The following RAD51AP2 variants were observed in gnomAD, a reference collection of about 807,000 sequenced individuals.
RAD51AP2 encodes RAD51 associated protein 2.
Under a neutral mutation model 85.5 loss-of-function variants are expected in RAD51AP2, and 67 were observed. That is an observed-to-expected ratio of 0.78 (90% confidence interval 0.64 to 0.96). The LOEUF is 0.96. RAD51AP2 is among the 40% of genes least tolerant of loss of function. The pLI is 0.00. For synonymous variants in RAD51AP2, 474 were observed against 446.5 expected, an observed-to-expected ratio of 1.06 and a Z score of -0.78; for missense variants, 1,307 against 1,332.4, an observed-to-expected ratio of 0.98 and a Z score of 0.30.
chr2:17,518,506 C>A, upstream of RAD51AP2: 1 of 1,478,282 alleles, frequency 6.8e-7, no homozygotes, highest in Non-Finnish European at 9.1e-7. Context: ...GCCCCTGACC[C>A]GCCCCTCAAG....
At chr2:17,533,148 C>T in the RAD51AP2 span, among the ~76,000 whole-genome samples, 3 of 152,200 alleles carry the variant, frequency 2.0e-5, no homozygotes, top group African/African-American at 7.2e-5. Flanking sequence ...TCTCTGGCTA[C>T]AGCCATTACC....
At position 17,518,440 on chromosome 2, in the gene RAD51AP2, C is replaced by G. The variant is rs763455237; in HGVS notation, c.-25G>C. Reference sequence around the variant, plus strand: ...TGACAGCGAATGGAAAGGATCTGTCCGAGTCCCGGCGGGGCTCCAATCCCT... The same window carrying G: ...TGACAGCGAATGGAAAGGATCTGTCGGAGTCCCGGCGGGGCTCCAATCCCT... On this transcript the variant is annotated 5_prime_UTR_variant, in exon 1 of 3. Transcript: ENST00000399080. 6.3e-6 allele frequency: 10 copies of G among 1,591,940 alleles called. No individual in the cohort carries two copies. In the South Asian group the frequency reaches 1.0e-4, roughly 16 times the overall value.
chr2:17,529,518 T>C, the RAD51AP2 span, among the ~76,000 whole-genome samples: 1 of 151,972 alleles, frequency 6.6e-6, no homozygotes, highest in Non-Finnish European at 1.5e-5. Context: ...ATCAACCAAA[T>C]AATGTTGAGC....
At chr2:17,522,182 T>G (rs1169264150), upstream of RAD51AP2, among the ~76,000 whole-genome samples, 1 of 152,078 alleles carries the variant, frequency 6.6e-6, no homozygotes, top group East Asian at 1.9e-4. Context: ...AAACTTTAAT[T>G]TGACATAGAA....
chr2:17,514,172 A>C, intron 1 of RAD51AP2, 80 bp from the exon 2 acceptor site: 1 of 843,836 alleles, frequency 1.2e-6, no homozygotes, highest in South Asian at 1.6e-5. Flanking sequence ...TTATATTTTC[A>C]GAAATATTTC....
intron 1 of RAD51AP2, 97 bp downstream of exon 1, chr2:17,515,072 T>G: frequency 1.0e-6 from 1 of 981,590 alleles, no homozygotes; most frequent in Non-Finnish European, 1.5e-6. Context: ...TATCTCTACC[T>G]TCCTTCTTTG....
rs374340001 is a variant in RAD51AP2, at chr2:17,517,728, A to G, written c.688T>C (p.Ser230Pro). 24 of 1,613,486 alleles carry G rather than the reference A, an allele frequency of 1.5e-5. No homozygotes were observed. The highest frequency in any genetic ancestry group is 2.0e-5 in the Non-Finnish European group (24 of 1,179,896). ...TGAGATTTTGATATTTTTAGTACAG[A>G]TGATGAAATGTTATTTTCTCTTTTA... is the stretch of plus-strand genomic sequence containing the variant. Reference protein sequence around the residue: ...SNKRENNISSSVLKISKSQNQ... With the variant: ...SNKRENNISSPVLKISKSQNQ... The change falls in exon 1 of 3, where the codon TCT becomes CCT. Residue 230 changes from serine (S) to proline (P), a missense_variant. Physicochemically the swap from Ser to Pro is moderately conservative, Grantham distance 74. Transcript: ENST00000399080.
Position 17,518,259 on chromosome 2 carries a change from G to C in RAD51AP2, c.157C>G (p.Leu53Val). The change falls in exon 1 of 3, where the codon CTG becomes GTG. Residue 53 changes from leucine (L) to valine (V), a missense_variant. Physicochemically the swap from Leu to Val is conservative, Grantham distance 32 (BLOSUM62 1). Coordinates refer to ENST00000399080, the MANE Select transcript of RAD51AP2 (RefSeq NM_001099218.3). ...GVFKAGWRLP[L>V]VPRLSEAEKV... The stretch of plus-strand genomic sequence containing the variant: ...TCCGCCTCAGACAAGCGAGGCACCA[G>C]AGGCAGTCGCCAGCCCGCCTTAAAG... The C allele has an allele frequency of 6.2e-7, 1 of 1,614,202 alleles. No homozygotes were observed. The highest frequency in any genetic ancestry group is 8.5e-7 in the Non-Finnish European group (1 of 1,180,036).
the RAD51AP2 span, among the ~76,000 whole-genome samples, chr2:17,523,995 G>C: frequency 0.016 from 2,425 of 152,024 alleles, 48 homozygotes; most frequent in East Asian, 0.1. Flanking sequence ...ATCTGTGCCT[G>C]ATGCTGAATG....
rs1477479715 is a variant in RAD51AP2, at chr2:17,516,644, A to G, written c.1772T>C (p.Phe591Ser). The change falls in exon 1 of 3, where the codon TTT becomes TCT. Residue 591 changes from phenylalanine to serine, a missense_variant. Physicochemically the swap from Phe to Ser is radical, Grantham distance 155. Coordinates refer to ENST00000399080, the MANE Select transcript of RAD51AP2 (RefSeq NM_001099218.3). ...KTNIAFLLNN[F>S]DSLTRIENDF... Reference sequence around the variant, plus strand: ...ATTTTCAATTCTTGTTAAAGAGTCAAAGTTATTGAGCAAAAAAGCTATGTT... The same window carrying G: ...ATTTTCAATTCTTGTTAAAGAGTCAGAGTTATTGAGCAAAAAAGCTATGTT... The G allele has an allele frequency of 6.4e-7, 1 of 1,573,416 alleles. No individual in the cohort carries two copies.
In RAD51AP2 at chr2:17,517,873, T is replaced by G; in HGVS notation, c.543A>C (p.Gln181His). 6.2e-7 allele frequency: 1 copy of G among 1,614,190 alleles called. No homozygotes were observed. The highest frequency in any genetic ancestry group is 8.5e-7 in the Non-Finnish European group (1 of 1,179,992). ...RNENRKQQFV[Q>H]GRDNVHKENP... ...TTTCTTTGTGAACATTGTCTCTTCCTTGGACAAACTGTTGTTTTCGATTCT... is the reference window on the plus strand; with the variant it reads ...TTTCTTTGTGAACATTGTCTCTTCCGTGGACAAACTGTTGTTTTCGATTCT... Residue 181 changes from glutamine (Q) to histidine (H), a missense_variant, in exon 1 of 3, where the codon CAA (glutamine) becomes CAC (histidine). Gln to His is a conservative substitution (Grantham distance 24). Coordinates refer to ENST00000399080, the MANE Select transcript of RAD51AP2 (RefSeq NM_001099218.3).
At chr2:17,514,371 C>G (rs1213812317) in intron 1 of RAD51AP2, among the ~76,000 whole-genome samples, 1 of 152,128 alleles carries the variant, frequency 6.6e-6, no homozygotes, top group African/African-American at 2.4e-5. Context: ...TGTCAAAGTT[C>G]AAGGTGAAGC....
At position 17,517,885 on chromosome 2, in the gene RAD51AP2, T is replaced by G; in HGVS notation, c.531A>C (p.Gln177His). 6.2e-7 allele frequency: 1 copy of G among 1,614,176 alleles called. No homozygotes were observed. Among genetic ancestry groups the G allele is most frequent in the Non-Finnish European group, 8.5e-7 (1 of 1,180,010 alleles). ...IHGIRNENRK[Q>H]QFVQGRDNVH... ...CATTGTCTCTTCCTTGGACAAACTG[T>G]TGTTTTCGATTCTCATTTCTAATTC... is the stretch of plus-strand genomic sequence containing the variant. The change falls in exon 1 of 3, where the codon CAA becomes CAC. Residue 177 changes from glutamine to histidine, a missense_variant. By Grantham distance (24) the Gln-to-His change is conservative (BLOSUM62 0). Transcript: ENST00000399080.
At chr2:17,515,073 TCCTTC>T in intron 1 of RAD51AP2, 91 bp downstream of exon 1, 1 of 981,956 alleles carries the variant, frequency 1.0e-6, no homozygotes, top group Non-Finnish European at 1.5e-6. Context: ...ATCTCTACCT[TCCTTC>T]TTTGTTGTCA....
At chr2:17,520,536 A>G (rs543704870), upstream of RAD51AP2, among the ~76,000 whole-genome samples, 1 of 152,258 alleles carries the variant, frequency 6.6e-6, no homozygotes, top group South Asian at 2.1e-4. Flanking sequence ...TAAAGACAGC[A>G]TCTATCTGAT....
At chr2:17,519,071 C>T (rs1476147785), upstream of RAD51AP2, among the ~76,000 whole-genome samples, 1 of 151,840 alleles carries the variant, frequency 6.6e-6, no homozygotes, top group East Asian at 1.9e-4. Context: ...AATTATTATC[C>T]GGATAATTAT....
At chr2:17,524,240 T>C in the RAD51AP2 span, among the ~76,000 whole-genome samples, 1 of 151,990 alleles carries the variant, frequency 6.6e-6, no homozygotes, top group Admixed American at 6.6e-5. Context: ...TGTTGTTTTG[T>C]TGTTCAGTTC....
chr2:17,519,741 G>T (rs1000630777), upstream of RAD51AP2, among the ~76,000 whole-genome samples: 1 of 152,292 alleles, frequency 6.6e-6, no homozygotes, highest in African/African-American at 2.4e-5. Flanking sequence ...CAGTGGTTCA[G>T]ATTCCACATC....
At position 17,517,257 on chromosome 2, in the gene RAD51AP2, TAAG is replaced by T. The variant is rs1175013709; in HGVS notation, c.1156_1158del (p.Leu386del). ...CAGTTTTGAGATTTTTCCAGCCTGGTAAGTACGTAACTGTCCAGACATTCTGCT... is the reference window on the plus strand; with the variant it reads ...CAGTTTTGAGATTTTTCCAGCCTGGTTACGTAACTGTCCAGACATTCTGCT... On this transcript the variant is annotated inframe_deletion, in exon 1 of 3. Transcript: ENST00000399080. The T allele has an allele frequency of 6.2e-7, 1 of 1,613,890 alleles. No individual in the cohort carries two copies. The highest frequency in any genetic ancestry group is 8.5e-7 in the Non-Finnish European group (1 of 1,179,922).
Sources: allele counts gnomAD v4.1 joint callset (sites outside exome capture counted in the v4.1 genomes callset), GRCh38; gene constraint gnomAD v4.1.1; transcripts MANE v1.5; gene names NCBI Gene and HGNC (gene_info 2026-07-23, HGNC 2026-07-21).